SLCO5A1: variants seen among roughly 807,000 people sequenced by gnomAD.
The protein encoded by SLCO5A1 is solute carrier organic anion transporter family member 5A1.
In SLCO5A1, 39 loss-of-function variants were observed where a neutral mutation model predicts 65.1. That is an observed-to-expected ratio of 0.60 (90% CI 0.46 to 0.78). SLCO5A1 has a LOEUF of 0.78. Ranked by LOEUF, SLCO5A1 falls within the 30% of genes least tolerant of loss-of-function variation. The pLI is 0.00. For missense variants in SLCO5A1, 1,029 were observed against 1,069.4 expected, an observed-to-expected ratio of 0.96 and a Z score of 0.53; for synonymous variants, 438 against 415.7, an observed-to-expected ratio of 1.05 and a Z score of -0.65.
At chr8:69,813,309 C>T (rs991288384) in intron 2 of SLCO5A1, among the ~76,000 whole-genome samples, 1 of 152,178 alleles carries the variant, frequency 6.6e-6, no homozygotes, top group Admixed American at 6.5e-5. Context: ...GCTAAGAATT[C>T]CCACATGCTA....
rs756955208 is a variant in SLCO5A1, at chr8:69,738,026, C to T, written c.1423+14G>A. ...TGATCATGTTTTCAAGCAGCCCTAG[C>T]GGCAGTGCCTTACCAGTGTAGATGC... On this transcript the variant is annotated intron_variant, in intron 5 of 9. Coordinates refer to ENST00000260126, the MANE Select transcript of SLCO5A1 (RefSeq NM_030958.3). 56 of 1,610,378 alleles carry T rather than the reference C, an allele frequency of 3.5e-5. No individual in the cohort carries two copies. Among genetic ancestry groups the T allele is most frequent in the Non-Finnish European group, 4.6e-5 (54 of 1,178,132 alleles).
chr8:69,692,292 T>C (rs1814297063), intron 6 of SLCO5A1, among the ~76,000 whole-genome samples: 1 of 152,116 alleles, frequency 6.6e-6, no homozygotes, highest in Non-Finnish European at 1.5e-5. Flanking sequence ...TACACCTGTA[T>C]AGGGCATTTA....
intron 6 of SLCO5A1, among the ~76,000 whole-genome samples, chr8:69,684,231 T>C (rs796586937): frequency 1.1e-4 from 16 of 152,282 alleles, no homozygotes; most frequent in African/African-American, 3.9e-4. Flanking sequence ...TGGGTCAATT[T>C]TGCCCCCCCA....
At chr8:69,814,028 GATAAAACA>G (rs560231699) in intron 2 of SLCO5A1, among the ~76,000 whole-genome samples, 1 of 151,962 alleles carries the variant, frequency 6.6e-6, no homozygotes, top group Non-Finnish European at 1.5e-5. Flanking sequence ...TTGTTCTGAG[GATAAAACA>G]AAATAATATT....
At chr8:69,803,053 G>A (rs1819820961) in intron 2 of SLCO5A1, among the ~76,000 whole-genome samples, 1 of 152,192 alleles carries the variant, frequency 6.6e-6, no homozygotes, top group Non-Finnish European at 1.5e-5. Context: ...TATTGGCTGG[G>A]CGCAGTGTCT....
intron 4 of SLCO5A1, among the ~76,000 whole-genome samples, chr8:69,753,365 T>TCAAGCAGGAGC (rs1160816663): frequency 6.6e-6 from 1 of 152,158 alleles, no homozygotes; most frequent in Admixed American, 6.6e-5. Flanking sequence ...GAAAACCGCC[T>TCAAGCAGGAGC]CAAGCAGGAG....
intron 5 of SLCO5A1, chr8:69,714,761 T>C (rs908381326): frequency 1.3e-5 from 2 of 152,194 alleles, no homozygotes; most frequent in Non-Finnish European, 2.9e-5. Flanking sequence ...GGGAGATATT[T>C]ATATAAAGCC....
intron 2 of SLCO5A1, among the ~76,000 whole-genome samples, chr8:69,763,623 A>T (rs1817909194): frequency 9.6e-6 from 1 of 104,326 alleles, no homozygotes; most frequent in African/African-American, 5.5e-5. Context: ...CCAAAAAAAA[A>T]AAAAAAAAAA....
At chr8:69,767,661 G>A (rs1474149734) in intron 2 of SLCO5A1, among the ~76,000 whole-genome samples, 1 of 152,040 alleles carries the variant, frequency 6.6e-6, no homozygotes, top group Non-Finnish European at 1.5e-5. Flanking sequence ...GGAGGCCAAG[G>A]CAGGCAGATC....
chr8:69,740,465 G>A (rs1321032671), intron 4 of SLCO5A1, among the ~76,000 whole-genome samples: 1 of 152,194 alleles, frequency 6.6e-6, no homozygotes, highest in East Asian at 1.9e-4. Flanking sequence ...GGTTCAGATA[G>A]ACAGATAGAT....
intron 6 of SLCO5A1, among the ~76,000 whole-genome samples, chr8:69,686,559 G>A (rs988838837): frequency 6.6e-6 from 1 of 152,156 alleles, no homozygotes; most frequent in Non-Finnish European, 1.5e-5. Context: ...CATTCCCCAT[G>A]AGAATTGTCA....
intron 2 of SLCO5A1, among the ~76,000 whole-genome samples, chr8:69,812,816 C>T (rs1820262685): frequency 6.6e-6 from 1 of 152,128 alleles, no homozygotes; most frequent in East Asian, 1.9e-4. Flanking sequence ...GCAGCAAAAC[C>T]AACTTTTGGA....
chr8:69,832,339 G>A lies in SLCO5A1; in HGVS notation c.335C>T (p.Ala112Val), dbSNP rs1821195780. ...GAGGCACCTTCTCTCCTGGAGCATG[G>A]CCAAGGCGGAGGACACCGAGAAGGT... ...SKTFSVSSAL[A>V]MLQERRCLYV... The change falls in exon 2 of 10, where the codon GCC becomes GTC. Residue 112 changes from alanine to valine, a missense_variant. Ala to Val is a moderately conservative substitution (Grantham distance 64). Around this residue, in one of 3 missense-constraint regions of SLCO5A1, gnomAD observed 647 missense variants for 647.5 expected, o/e 1.00. Coordinates refer to ENST00000260126, the MANE Select transcript of SLCO5A1 (RefSeq NM_030958.3). This position sits in a 1 kb window ranked among gnomAD's most constrained non-coding sequence, Gnocchi z 4.5. The A allele has an allele frequency of 3.1e-6, 5 of 1,614,164 alleles. No individual in the cohort carries two copies. Among genetic ancestry groups the A allele is most frequent in the Non-Finnish European group, 4.2e-6 (5 of 1,180,022 alleles).
chr8:69,746,934 C>T (rs1370001960), intron 4 of SLCO5A1, among the ~76,000 whole-genome samples: 4 of 152,174 alleles, frequency 2.6e-5, no homozygotes, highest in African/African-American at 4.8e-5. Flanking sequence ...GCCCCAACCA[C>T]CTCCTTATCT....
intron 7 of SLCO5A1, among the ~76,000 whole-genome samples, chr8:69,681,327 C>T (rs1318260851): frequency 3.3e-5 from 5 of 152,182 alleles, no homozygotes. Flanking sequence ...GGCACAGTGG[C>T]TCACACCTGT....
intron 4 of SLCO5A1, among the ~76,000 whole-genome samples, chr8:69,742,774 A>C (rs1816841006): frequency 6.9e-6 from 1 of 144,768 alleles, no homozygotes; most frequent in South Asian, 2.3e-4. Context: ...AAAATCTGAG[A>C]TAGGTGGTGT....
intron 2 of SLCO5A1, among the ~76,000 whole-genome samples, chr8:69,830,419 C>T (rs1821108830): frequency 1.3e-5 from 2 of 152,138 alleles, no homozygotes; most frequent in African/African-American, 4.8e-5. Flanking sequence ...TCTCAAGTCC[C>T]TGGGTTCAAG....
At chr8:69,772,396 G>A (rs558614343) in intron 2 of SLCO5A1, among the ~76,000 whole-genome samples, 1 of 151,920 alleles carries the variant, frequency 6.6e-6, no homozygotes, top group South Asian at 2.1e-4. Flanking sequence ...GGTGGCACAT[G>A]CCTGTAGTCC....
chr8:69,745,532 T>C (rs1816977878), intron 4 of SLCO5A1, among the ~76,000 whole-genome samples: 1 of 152,206 alleles, frequency 6.6e-6, no homozygotes, highest in South Asian at 2.1e-4. Context: ...CCCCAAAATG[T>C]ACATTTCTAC....
Sources: allele counts gnomAD v4.1 joint callset (sites outside exome capture counted in the v4.1 genomes callset), GRCh38; gene constraint gnomAD v4.1.1; regional missense constraint gnomAD v4.1.1; non-coding constraint Gnocchi (gnomAD v3.1); transcripts MANE v1.5; gene names NCBI Gene and HGNC (gene_info 2026-07-23, HGNC 2026-07-21).